Variants in MREG observed in about 807,000 individuals in gnomAD.
MREG encodes melanoregulin, also known as dilute suppressor protein homolog.
In MREG, 31 loss-of-function variants were observed where a neutral mutation model predicts 28.5. The observed-to-expected ratio is 1.09, with a 90% CI of 0.82 to 1.47. MREG has a LOEUF of 1.47. MREG is among the 40% of genes most tolerant of loss of function. The pLI is 0.00. For synonymous variants in MREG, 106 were observed against 95.2 expected, an observed-to-expected ratio of 1.11 and a Z score of -0.66; for missense variants, 256 against 257.4, an observed-to-expected ratio of 0.99 and a Z score of 0.04.
downstream of MREG, among the ~76,000 whole-genome samples, chr2:215,940,097 C>G (rs1574581313): frequency 1.3e-5 from 2 of 152,244 alleles, no homozygotes; most frequent in Middle Eastern, 3.4e-3. Flanking sequence ...GAGACTCAAG[C>G]TAAAATCTGG....
At chr2:215,979,558 A>G (rs890562607) in intron 2 of MREG, among the ~76,000 whole-genome samples, 1 of 151,476 alleles carries the variant, frequency 6.6e-6, no homozygotes, top group Non-Finnish European at 1.5e-5. Flanking sequence ...AATTCACTGA[A>G]CCTTGTAGCT....
At chr2:215,988,061 C>T (rs950228948) in intron 2 of MREG, among the ~76,000 whole-genome samples, 2 of 152,120 alleles carry the variant, frequency 1.3e-5, no homozygotes, top group South Asian at 4.1e-4. Flanking sequence ...CCTCTACAGT[C>T]GAGCCTGATT....
At chr2:215,958,282 A>G (rs1692685115) in intron 2 of MREG, among the ~76,000 whole-genome samples, 1 of 150,888 alleles carries the variant, frequency 6.6e-6, no homozygotes, top group Non-Finnish European at 1.5e-5. Context: ...ATAAATAAAT[A>G]AATAAATAAA....
chr2:216,016,218 C>T (rs1694447631), upstream of MREG, among the ~76,000 whole-genome samples: 1 of 152,230 alleles, frequency 6.6e-6, no homozygotes, highest in Non-Finnish European at 1.5e-5. Context: ...TCGCTTACCA[C>T]TTGCACCTGG....
intron 2 of MREG, among the ~76,000 whole-genome samples, chr2:215,964,227 T>C (rs1476234899): frequency 6.6e-6 from 1 of 152,152 alleles, no homozygotes; most frequent in Non-Finnish European, 1.5e-5. Flanking sequence ...CCCACACCTG[T>C]AATCTCAGCA....
chr2:216,003,764 C>G (rs1694081976), intron 1 of MREG, among the ~76,000 whole-genome samples: 1 of 152,192 alleles, frequency 6.6e-6, no homozygotes. Context: ...CCCCCACTCC[C>G]TCATCCCCTA....
At chr2:216,005,264 A>G (rs1226613600) in intron 1 of MREG, among the ~76,000 whole-genome samples, 1 of 152,154 alleles carries the variant, frequency 6.6e-6, no homozygotes, top group Non-Finnish European at 1.5e-5. Flanking sequence ...CTATGAGAAC[A>G]CACAGTTTGA....
upstream of MREG, among the ~76,000 whole-genome samples, chr2:216,016,790 G>T (rs1694454901): frequency 6.6e-6 from 1 of 152,152 alleles, no homozygotes; most frequent in South Asian, 2.1e-4. Flanking sequence ...CTTTTATGTG[G>T]TTTGTTTCAG....
chr2:216,005,303 C>CA (rs1694119065), intron 1 of MREG, among the ~76,000 whole-genome samples: 1 of 151,888 alleles, frequency 6.6e-6, no homozygotes, highest in Non-Finnish European at 1.5e-5. Flanking sequence ...TAAAGGCAGG[C>CA]AAAACAAAAG....
chr2:215,976,900 G>A (rs1013603069), intron 2 of MREG, among the ~76,000 whole-genome samples: 7 of 152,198 alleles, frequency 4.6e-5, no homozygotes, highest in East Asian at 1.9e-4. Context: ...GGAAAGGAAC[G>A]ACTGGTACCA....
Position 215,950,991 on chromosome 2 carries a change from T to TTC in MREG, c.256-3880_256-3879dup, listed in dbSNP as rs747817889. ...TTTGAAAGCATGTAGCGCTTCCCCC[T>TTC]TCTCTCTCTCTCTCTCTGTCTCTTT... On this transcript the variant is annotated intron_variant, in intron 2 of 4. Transcript: ENST00000263268. 4.8e-3 allele frequency among the ~76,000 whole-genome samples: 715 copies of TTC among 149,764 alleles called. 5 individuals are homozygous for TTC. The highest frequency in any genetic ancestry group is 0.015 in the African/African-American group (609 of 41,030).
At chr2:216,015,117 A>ACGAGTGTGTGTGCG (rs1559200122), upstream of MREG, among the ~76,000 whole-genome samples, 1 of 57,214 alleles carries the variant, frequency 1.7e-5, no homozygotes, top group Non-Finnish European at 3.0e-5. Flanking sequence ...GTGTGTGTGC[A>ACGAGTGTGTGTGCG]CGCGTGTGTG....
intron 2 of MREG, among the ~76,000 whole-genome samples, chr2:215,965,239 A>C (rs1692908286): frequency 6.6e-6 from 1 of 152,248 alleles, no homozygotes; most frequent in Admixed American, 6.5e-5. Flanking sequence ...TGTTAAATTG[A>C]AAATCCTATT....
At chr2:215,977,120 G>A (rs1415745661) in intron 2 of MREG, among the ~76,000 whole-genome samples, 2 of 152,202 alleles carry the variant, frequency 1.3e-5, no homozygotes, top group Non-Finnish European at 2.9e-5. Flanking sequence ...TCAGGGTGCT[G>A]TATTCAGGAG....
Position 216,013,431 on chromosome 2 carries a change from A to G in MREG, c.-104T>C. ...ACCGCGCCAGCGTCCAGGTGCGGGGACAGCGGCAGCCCGGGCGTCGCGGGC... is the reference window on the plus strand; with the variant it reads ...ACCGCGCCAGCGTCCAGGTGCGGGGGCAGCGGCAGCCCGGGCGTCGCGGGC... On this transcript the variant is annotated 5_prime_UTR_variant, in exon 1 of 5. Coordinates refer to ENST00000263268, the MANE Select transcript of MREG (RefSeq NM_018000.3). 1.4e-6 allele frequency: 1 copy of G among 732,626 alleles called. No individual in the cohort carries two copies. 45.4% of individuals were successfully genotyped at this position (732,626 alleles called of 1,614,324 possible).
At chr2:215,950,704 G>A (rs1692459435) in intron 2 of MREG, among the ~76,000 whole-genome samples, 1 of 152,166 alleles carries the variant, frequency 6.6e-6, no homozygotes, top group African/African-American at 2.4e-5. Context: ...AGCATTGACA[G>A]GGTTTTAACT....
chr2:216,023,243 G>A (rs1001126329), intron 1 of MREG, among the ~76,000 whole-genome samples: 1 of 152,164 alleles, frequency 6.6e-6, no homozygotes, highest in Non-Finnish European at 1.5e-5. Context: ...CCACCTCCTG[G>A]CATCCAATTG....
rs1047395392 is a variant in MREG, at chr2:215,977,500, G to A, written c.255+18806C>T. Among the ~76,000 whole-genome samples, 5 of 152,112 alleles carry A rather than the reference G, an allele frequency of 3.3e-5. No homozygotes were observed. The South Asian group carries it at 1.0e-3, about 32-fold the overall frequency. On this transcript the variant is annotated intron_variant, in intron 2 of 4. Coordinates refer to ENST00000263268, the MANE Select transcript of MREG (RefSeq NM_018000.3). ...ACAGAAAATTAACAAGGATATCTAG[G>A]ACTTGAACTCAGCTTTGCAGCAAGC...
chr2:215,982,141 C>T (rs183090796), intron 2 of MREG, among the ~76,000 whole-genome samples: 2 of 151,974 alleles, frequency 1.3e-5, no homozygotes, highest in African/African-American at 4.8e-5. Flanking sequence ...ACCAACACTG[C>T]GAAACCCTGT....
Sources: allele counts gnomAD v4.1 joint callset (sites outside exome capture counted in the v4.1 genomes callset), GRCh38; gene constraint gnomAD v4.1.1; transcripts MANE v1.5; gene names NCBI Gene and HGNC (gene_info 2026-07-23, HGNC 2026-07-21).